FAM171A1: variants seen among roughly 807,000 people sequenced by gnomAD.
FAM171A1 encodes the protein protein FAM171A1.
Under a neutral mutation model 74.9 loss-of-function variants are expected in FAM171A1, and 23 were observed. That is an observed-to-expected ratio of 0.31 (90% CI 0.22 to 0.44). The LOEUF (loss-of-function observed/expected upper bound fraction) is 0.44. Among genes scored for constraint, FAM171A1 ranks in the 20% least tolerant of loss-of-function variants. FAM171A1 has a pLI of 1.00. For missense variants in FAM171A1, 1,162 were observed against 1,159.2 expected (o/e 1.00, Z -0.03); for synonymous variants, 527 against 505.7 (o/e 1.04, Z -0.57).
At chr10:15,312,760 C>T (rs1452807935) in intron 1 of FAM171A1, among the ~76,000 whole-genome samples, 9 of 123,742 alleles carry the variant, frequency 7.3e-5, no homozygotes, top group African/African-American at 2.7e-4. Context: ...TGCAGTGGTG[C>T]AATCTCGGCT....
At chr10:15,220,715 C>A (rs1834026730) in intron 6 of FAM171A1, among the ~76,000 whole-genome samples, 1 of 152,098 alleles carries the variant, frequency 6.6e-6, no homozygotes, top group African/African-American at 2.4e-5. Flanking sequence ...AACAGCCACT[C>A]AAGACTATTT....
intron 1 of FAM171A1, among the ~76,000 whole-genome samples, chr10:15,309,798 C>T (rs1394605902): frequency 6.6e-6 from 1 of 152,194 alleles, no homozygotes; most frequent in Admixed American, 6.5e-5. Flanking sequence ...ATGTGAAAAA[C>T]AAATGAATTA....
At chr10:15,370,733 C>A (rs1329336230) in intron 1 of FAM171A1, among the ~76,000 whole-genome samples, 1 of 140,938 alleles carries the variant, frequency 7.1e-6, no homozygotes, top group South Asian at 2.5e-4. Flanking sequence ...AGCCCCCGAT[C>A]CCCGGCCCCC....
chr10:15,283,722 C>G (rs760390355), intron 2 of FAM171A1, among the ~76,000 whole-genome samples, 156 bp downstream of exon 2: 1 of 152,170 alleles, frequency 6.6e-6, no homozygotes, highest in Admixed American at 6.5e-5. Context: ...GTAGCTGGGA[C>G]TACAGGTGCA....
At chr10:15,368,008 G>C (rs1465258271) in intron 1 of FAM171A1, among the ~76,000 whole-genome samples, 1 of 152,178 alleles carries the variant, frequency 6.6e-6, no homozygotes, top group African/African-American at 2.4e-5. Flanking sequence ...TTTTGCAAAA[G>C]AGGTGAAGAA....
intron 1 of FAM171A1, among the ~76,000 whole-genome samples, chr10:15,343,295 G>A (rs984014514): frequency 6.6e-6 from 1 of 152,214 alleles, no homozygotes; most frequent in African/African-American, 2.4e-5. Flanking sequence ...CTTGAGCCCA[G>A]GAGTTCGAGG....
intron 1 of FAM171A1, among the ~76,000 whole-genome samples, chr10:15,318,623 G>A (rs1193601615): frequency 6.6e-6 from 1 of 152,174 alleles, no homozygotes; most frequent in African/African-American, 2.4e-5. Flanking sequence ...AAGAGTTGGA[G>A]GTGTGTGTCA....
At chr10:15,338,043 C>A (rs1191495779) in intron 1 of FAM171A1, among the ~76,000 whole-genome samples, 3 of 152,108 alleles carry the variant, frequency 2.0e-5, no homozygotes, top group Non-Finnish European at 4.4e-5. Context: ...ACAAAGAATT[C>A]TTCTTAGCAA....
rs1314657998 is a variant in FAM171A1 at position 15,365,849 on chromosome 10, AAAGT to A, written c.97+5103_97+5106del. On this transcript the variant is annotated intron_variant, in intron 1 of 7. Transcript: ENST00000378116. ...ATGTTTGCAGACAGACTTGAATCTA[AAAGT>A]AAGAGGAGCTGGCGAATGAAACAGA... Among the ~76,000 whole-genome samples the A allele has an allele frequency of 3.3e-5, 5 of 152,100 alleles. No individual in the cohort carries two copies. The East Asian group carries it at 9.6e-4, about 29-fold the overall frequency.
chr10:15,296,165 G>A (rs1464495304), intron 1 of FAM171A1, among the ~76,000 whole-genome samples: 1 of 152,046 alleles, frequency 6.6e-6, no homozygotes, highest in African/African-American at 2.4e-5. Context: ...ATGAAATTAG[G>A]ATGCACTCTG....
intron 3 of FAM171A1, among the ~76,000 whole-genome samples, chr10:15,268,767 G>T (rs556268388): frequency 6.6e-6 from 1 of 152,128 alleles, no homozygotes; most frequent in Non-Finnish European, 1.5e-5. Context: ...AAGAAAGTTG[G>T]GCCAGGCATG....
chr10:15,283,727 G>T, intron 2 of FAM171A1, 151 bp downstream of exon 2: 6 of 712,464 alleles, frequency 8.4e-6, no homozygotes, highest in Non-Finnish European at 1.4e-5. Context: ...TGGGACTACA[G>T]GTGCACACTA....
chr10:15,268,287 G>A (rs1160804497), intron 3 of FAM171A1, among the ~76,000 whole-genome samples: 2 of 152,110 alleles, frequency 1.3e-5, no homozygotes, highest in South Asian at 2.1e-4. Flanking sequence ...CTTGATTACT[G>A]GTTTGGCAAG....
intron 3 of FAM171A1, among the ~76,000 whole-genome samples, chr10:15,262,520 G>C (rs956429060): frequency 6.6e-6 from 1 of 152,182 alleles, no homozygotes; most frequent in Non-Finnish European, 1.5e-5. Flanking sequence ...GGGGAAGTTA[G>C]GAAGAAGTGG....
chr10:15,246,939 G>A (rs1306926729), intron 5 of FAM171A1, among the ~76,000 whole-genome samples: 2 of 152,246 alleles, frequency 1.3e-5, no homozygotes, highest in Non-Finnish European at 2.9e-5. Context: ...TATCATGAGT[G>A]CAAACCAATA....
At chr10:15,276,025 G>A in intron 2 of FAM171A1, 78 bp from the exon 3 acceptor site, 1 of 962,914 alleles carries the variant, frequency 1.0e-6, no homozygotes, top group South Asian at 1.5e-5. Context: ...GGGATACTCT[G>A]CAGTTTTTGT....
Position 15,279,149 on chromosome 10 carries a change from CCT to C in FAM171A1, c.326-3204_326-3203del, listed in dbSNP as rs564144626. On this transcript the variant is annotated intron_variant, in intron 2 of 7. Transcript: ENST00000378116. The stretch of plus-strand genomic sequence containing the variant: ...GCTCCGAAATCACCTGTGATCATCC[CCT>C]GAGAGGTGTGTGACCATCGCAGTGT... Among the ~76,000 whole-genome samples, 221 of 152,252 alleles carry C rather than the reference CCT, an allele frequency of 1.5e-3. 1 individual carries two copies. The highest frequency in any genetic ancestry group is 0.014 in the Middle Eastern group (4 of 294).
chr10:15,296,646 AG>A (rs1453880873), intron 1 of FAM171A1, among the ~76,000 whole-genome samples: 1 of 152,204 alleles, frequency 6.6e-6, no homozygotes, highest in Non-Finnish European at 1.5e-5. Context: ...CTCTCCACGT[AG>A]GCACCTTTCA....
At chr10:15,332,184 G>A (rs889220388) in intron 1 of FAM171A1, among the ~76,000 whole-genome samples, 36 of 152,034 alleles carry the variant, frequency 2.4e-4, no homozygotes, top group African/African-American at 8.0e-4. Flanking sequence ...TCGAACTCCT[G>A]AACTCAGACA....
Sources: gnomAD v4.1 joint callset for allele counts (sites outside exome capture counted in the v4.1 genomes callset) on GRCh38, gnomAD v4.1.1 for gene constraint, MANE v1.5 for transcripts, NCBI Gene and HGNC (gene_info 2026-07-23, HGNC 2026-07-21) for gene names.